Variants in PCDH15 observed in about 807,000 individuals in gnomAD.
PCDH15 encodes protocadherin-15.
A neutral mutation model predicts 178.5 loss-of-function variants in PCDH15; 129 were observed. The observed-to-expected ratio is 0.72, with a 90% CI of 0.63 to 0.84. The LOEUF is 0.84. Ranked by LOEUF, PCDH15 falls within the 40% of genes least tolerant of loss-of-function variation. The pLI is 0.00. For missense variants in PCDH15, 2,230 were observed against 2,099.9 expected (o/e 1.06, Z -1.21); for synonymous variants, 800 against 732.0 (o/e 1.09, Z -1.50).
intron 2 of PCDH15, among the ~76,000 whole-genome samples, chr10:55,580,176 G>A (rs2132119152): frequency 6.6e-6 from 1 of 151,982 alleles, no homozygotes; most frequent in South Asian, 2.1e-4. Flanking sequence ...TGTTTTATAT[G>A]CACACACGTG....
intron 3 of PCDH15, among the ~76,000 whole-genome samples, chr10:54,817,734 A>G (rs1403955407): frequency 6.6e-6 from 1 of 152,092 alleles, no homozygotes; most frequent in Non-Finnish European, 1.5e-5. Context: ...ATGTGTTCTC[A>G]TAAAACATGT....
At chr10:54,165,702 T>A (rs1462790619) in intron 13 of PCDH15, among the ~76,000 whole-genome samples, 1 of 152,190 alleles carries the variant, frequency 6.6e-6, no homozygotes, top group East Asian at 1.9e-4. Flanking sequence ...AAGGACCCAG[T>A]CTTTCATACT....
At chr10:54,359,266 C>T (rs975448496) in intron 5 of PCDH15, among the ~76,000 whole-genome samples, 29 of 144,776 alleles carry the variant, frequency 2.0e-4, no homozygotes, top group Non-Finnish European at 4.0e-4. Flanking sequence ...CTTTAAAAAA[C>T]TAAAAAAAAA....
intron 2 of PCDH15, among the ~76,000 whole-genome samples, chr10:54,584,362 A>G (rs892357271): frequency 6.6e-6 from 1 of 152,094 alleles, no homozygotes; most frequent in Non-Finnish European, 1.5e-5. Context: ...TAATCATGCC[A>G]CTGTACTCAG....
At chr10:54,234,119 T>G (rs1255909949) in intron 9 of PCDH15, among the ~76,000 whole-genome samples, 1 of 148,272 alleles carries the variant, frequency 6.7e-6, no homozygotes, top group East Asian at 2.0e-4. Flanking sequence ...GTCAGAGTCA[T>G]GGATATCCCC....
chr10:55,420,684 T>A (rs1393193341), intron 2 of PCDH15, among the ~76,000 whole-genome samples: 1 of 151,746 alleles, frequency 6.6e-6, no homozygotes, highest in Non-Finnish European at 1.5e-5. Flanking sequence ...ATATTTTACA[T>A]GTTATCTTTT....
intron 2 of PCDH15, among the ~76,000 whole-genome samples, chr10:54,906,167 A>C (rs1237621940): frequency 6.6e-6 from 1 of 152,076 alleles, no homozygotes; most frequent in African/African-American, 2.4e-5. Context: ...CCTAGGTAGA[A>C]AAGAATCCAA....
intron 2 of PCDH15, among the ~76,000 whole-genome samples, chr10:54,974,084 G>GAC (rs1191320583): frequency 6.2e-5 from 8 of 129,304 alleles, no homozygotes; most frequent in Middle Eastern, 3.8e-3. Flanking sequence ...CACACACACA[G>GAC]ACACACACAC....
chr10:53,959,671 G>T, intron 23 of PCDH15, 61 bp downstream of exon 23: 1 of 1,262,070 alleles, frequency 7.9e-7, no homozygotes, highest in Non-Finnish European at 1.1e-6. Flanking sequence ...AATTTTGAGA[G>T]ACTCCTTTCA....
At chr10:54,734,509 G>C (rs1943823817) in intron 1 of PCDH15, among the ~76,000 whole-genome samples, 1 of 151,802 alleles carries the variant, frequency 6.6e-6, no homozygotes, top group South Asian at 2.1e-4. Flanking sequence ...TTTTTAAAAA[G>C]TGATCATTTA....
intron 2 of PCDH15, among the ~76,000 whole-genome samples, chr10:54,914,565 G>A (rs1301952466): frequency 6.6e-6 from 1 of 152,108 alleles, no homozygotes; most frequent in Non-Finnish European, 1.5e-5. Context: ...ATATGGAATA[G>A]GGGGCCTTAT....
At chr10:55,498,843 T>C (rs968310722) in intron 2 of PCDH15, among the ~76,000 whole-genome samples, 1 of 151,760 alleles carries the variant, frequency 6.6e-6, no homozygotes, top group African/African-American at 2.4e-5. Context: ...CAGAACGGGA[T>C]GCAGATGTTA....
chr10:54,442,167 T>C (rs948403532), intron 3 of PCDH15, among the ~76,000 whole-genome samples: 16 of 151,056 alleles, frequency 1.1e-4, no homozygotes, highest in East Asian at 2.0e-4. Flanking sequence ...TTATTCTTCC[T>C]ACAGCAACTT....
intron 2 of PCDH15, among the ~76,000 whole-genome samples, chr10:55,103,396 T>C (rs968556920): frequency 1.3e-5 from 2 of 152,192 alleles, no homozygotes; most frequent in African/African-American, 4.8e-5. Flanking sequence ...GGGTATCTGT[T>C]AGCTCTTGAA....
At chr10:54,291,722 A>G (rs2059421590) in intron 8 of PCDH15, among the ~76,000 whole-genome samples, 1 of 152,220 alleles carries the variant, frequency 6.6e-6, no homozygotes, top group African/African-American at 2.4e-5. Flanking sequence ...AAAATCTAGA[A>G]GAAATGTATA....
intron 2 of PCDH15, among the ~76,000 whole-genome samples, chr10:55,352,279 A>C (rs1326755154): frequency 6.6e-6 from 1 of 152,126 alleles, no homozygotes; most frequent in Non-Finnish European, 1.5e-5. Flanking sequence ...AGACTATGGA[A>C]ATTTTGTTAG....
chr10:55,347,156 A>G lies in PCDH15; in HGVS notation c.-155-180505T>C, dbSNP rs568335100. Among the ~76,000 whole-genome samples the G allele has an allele frequency of 3.1e-4, 47 of 152,240 alleles. 1 individual carries two copies. The highest frequency in any genetic ancestry group is 4.1e-4 in the Non-Finnish European group (28 of 68,022). On this transcript the variant is annotated intron_variant, in intron 2 of 5. Coordinates refer to the PCDH15 transcript ENST00000613346. ...CTTGAACCTAGGAGCTGGAGGTTGT[A>G]GTGAGATGAGATCGTGCAACTGCAC... is the stretch of plus-strand genomic sequence containing the variant.
chr10:54,477,886 T>C (rs1565375621), intron 3 of PCDH15, among the ~76,000 whole-genome samples: 1 of 152,150 alleles, frequency 6.6e-6, no homozygotes, highest in Non-Finnish European at 1.5e-5. Flanking sequence ...CTCAGCCAAA[T>C]AAACAAATAA....
intron 2 of PCDH15, among the ~76,000 whole-genome samples, chr10:55,079,643 G>A (rs571848772): frequency 6.6e-6 from 1 of 152,286 alleles, no homozygotes; most frequent in Admixed American, 6.5e-5. Context: ...AGGCTCTTAG[G>A]CCCCTGGACA....
Sources: gnomAD v4.1 joint callset for allele counts (sites outside exome capture counted in the v4.1 genomes callset) on GRCh38, gnomAD v4.1.1 for gene constraint, MANE v1.5 for transcripts, NCBI Gene and HGNC (gene_info 2026-07-23, HGNC 2026-07-21) for gene names.